Variants in FGF12 observed in about 807,000 individuals in gnomAD.
FGF12 encodes the protein fibroblast growth factor 12B.
A neutral mutation model predicts 23.6 loss-of-function variants in FGF12; 14 were observed. The observed-to-expected ratio is 0.59, with a 90% CI of 0.39 to 0.93. The LOEUF is 0.93. Ranked by LOEUF, FGF12 falls within the 40% of genes least tolerant of loss-of-function variation. The pLI is 0.00. For synonymous variants in FGF12, 62 were observed against 77.3 expected (o/e 0.80, Z 1.04); for missense variants, 175 against 217.8 (o/e 0.80, Z 1.24).
chr3:192,554,773 G>A, intron 2 of FGF12, among the ~76,000 whole-genome samples: 1 of 135,612 alleles, frequency 7.4e-6, no homozygotes, highest in African/African-American at 2.8e-5. Context: ...CTACTATAAA[G>A]ATGCTCAATG....
chr3:192,188,614 TTGTC>T lies in FGF12; in HGVS notation c.229-17962_229-17959del, dbSNP rs998083752. ...CATGTGATACCTGGATGACAATACA[TTGTC>T]TGAGAAATACAGTAAGACAAATGAA... On this transcript the variant is annotated intron_variant, in intron 4 of 5. Coordinates refer to ENST00000445105, the MANE Select transcript of FGF12 (RefSeq NM_004113.6). Among the ~76,000 whole-genome samples, 6 of 152,374 alleles carry T rather than the reference TTGTC, an allele frequency of 3.9e-5. No individual in the cohort carries two copies. The East Asian group carries it at 5.8e-4, about 15-fold the overall frequency.
chr3:192,489,791 A>G (rs1723745120), intron 2 of FGF12, among the ~76,000 whole-genome samples: 2 of 152,022 alleles, frequency 1.3e-5, no homozygotes, highest in African/African-American at 4.8e-5. Flanking sequence ...GAGCTCCTAG[A>G]CACAGAGACG....
chr3:192,161,233 C>T (rs1395736116), intron 5 of FGF12, among the ~76,000 whole-genome samples: 2 of 152,058 alleles, frequency 1.3e-5, no homozygotes, highest in East Asian at 1.9e-4. Context: ...ATTTGGCCAG[C>T]TCAAACGTAC....
At chr3:192,218,481 A>C (rs1038769767) in intron 4 of FGF12, among the ~76,000 whole-genome samples, 12 of 152,118 alleles carry the variant, frequency 7.9e-5, no homozygotes, top group African/African-American at 2.9e-4. Context: ...GTGAGTTCTC[A>C]TGTGATCTGG....
At chr3:192,146,746 T>C (rs893434705) in intron 5 of FGF12, among the ~76,000 whole-genome samples, 4 of 152,184 alleles carry the variant, frequency 2.6e-5, no homozygotes, top group African/African-American at 9.6e-5. Context: ...CAACACACAA[T>C]GTTACTGTTA....
intron 4 of FGF12, among the ~76,000 whole-genome samples, chr3:192,233,346 T>C (rs1719122357): frequency 6.6e-6 from 1 of 152,216 alleles, no homozygotes; most frequent in African/African-American, 2.4e-5. Flanking sequence ...CATGTGAATG[T>C]CTTCTTTGGA....
intron 5 of FGF12, among the ~76,000 whole-genome samples, chr3:192,168,809 A>G (rs768406049): frequency 6.6e-6 from 1 of 152,230 alleles, no homozygotes; most frequent in Non-Finnish European, 1.5e-5. Context: ...AACCATGAAT[A>G]AGAGGAGACA....
At chr3:192,439,812 T>TA (rs1345172838) in intron 2 of FGF12, among the ~76,000 whole-genome samples, 29 of 152,032 alleles carry the variant, frequency 1.9e-4, no homozygotes, top group Non-Finnish European at 4.0e-4. Flanking sequence ...CCGTCTCTAC[T>TA]AAAAATACAA....
chr3:192,590,087 T>C (rs551779724), intron 2 of FGF12, among the ~76,000 whole-genome samples: 5 of 151,790 alleles, frequency 3.3e-5, no homozygotes, highest in Non-Finnish European at 5.9e-5. Context: ...GATCCCAACC[T>C]TGGTTCTTCT....
chr3:192,227,395 T>C (rs1718790646), intron 4 of FGF12, among the ~76,000 whole-genome samples: 1 of 151,992 alleles, frequency 6.6e-6, no homozygotes, highest in Non-Finnish European at 1.5e-5. Flanking sequence ...TTTATGAGGA[T>C]GCCAGTTCAA....
chr3:192,224,493 T>G (rs569137352), intron 4 of FGF12, among the ~76,000 whole-genome samples: 3 of 152,236 alleles, frequency 2.0e-5, no homozygotes, highest in African/African-American at 7.2e-5. Context: ...TGCCATTTTA[T>G]TATAGAAAAA....
intron 4 of FGF12, among the ~76,000 whole-genome samples, chr3:192,221,844 T>C (rs1718492467): frequency 6.6e-6 from 1 of 152,084 alleles, no homozygotes; most frequent in Admixed American, 6.6e-5. Flanking sequence ...ATATAACAAG[T>C]ATAAAATGAT....
Position 192,223,605 on chromosome 3 carries a change from A to G in FGF12, c.229-52949T>C, listed in dbSNP as rs75862302. ...CCAGTTTATGCCTATGGTTCTGGCA[A>G]AATTATTCACGGTATCTCATTTCAC... On this transcript the variant is annotated intron_variant, in intron 4 of 5. Transcript: ENST00000445105. Among the ~76,000 whole-genome samples, 560 of 152,208 alleles carry G rather than the reference A, an allele frequency of 3.7e-3. 2 individuals are homozygous for G. The highest frequency in any genetic ancestry group is 0.013 in the African/African-American group (544 of 41,540).
intron 4 of FGF12, among the ~76,000 whole-genome samples, chr3:192,258,367 G>A (rs893071755): frequency 1.7e-4 from 26 of 151,938 alleles, no homozygotes; most frequent in Non-Finnish European, 4.4e-5. Flanking sequence ...CTGAGGCAGG[G>A]GAATCACTTG....
At chr3:192,299,560 T>C (rs1445675093) in intron 4 of FGF12, among the ~76,000 whole-genome samples, 1 of 152,210 alleles carries the variant, frequency 6.6e-6, no homozygotes, top group Admixed American at 6.5e-5. Flanking sequence ...TAATTACTTA[T>C]ATGCAAACAT....
chr3:192,604,198 G>A (rs932426435), intron 2 of FGF12, among the ~76,000 whole-genome samples: 6 of 152,032 alleles, frequency 3.9e-5, no homozygotes, highest in Non-Finnish European at 8.8e-5. Flanking sequence ...AAAAATCGCT[G>A]TTATTCTGTT....
At chr3:192,615,916 A>T (rs761935551) in intron 2 of FGF12, among the ~76,000 whole-genome samples, 7 of 152,074 alleles carry the variant, frequency 4.6e-5, no homozygotes, top group Non-Finnish European at 7.4e-5. Context: ...AAATGAAAAA[A>T]GTACATCAAA....
chr3:192,476,764 G>A (rs929190400), intron 2 of FGF12, among the ~76,000 whole-genome samples: 2 of 152,164 alleles, frequency 1.3e-5, no homozygotes, highest in Non-Finnish European at 2.9e-5. Context: ...ACTAGTGGGA[G>A]TAAAGAAAGA....
chr3:192,151,280 C>T, intron 5 of FGF12, among the ~76,000 whole-genome samples: 2 of 133,166 alleles, frequency 1.5e-5, no homozygotes, highest in East Asian at 4.2e-4. Flanking sequence ...AATTTGACTT[C>T]CTCTTTTCCT....
Sources: gnomAD v4.1 joint callset for allele counts (sites outside exome capture counted in the v4.1 genomes callset) on GRCh38, gnomAD v4.1.1 for gene constraint, MANE v1.5 for transcripts, NCBI Gene and HGNC (gene_info 2026-07-23, HGNC 2026-07-21) for gene names.